FASN: variants seen among roughly 807,000 people sequenced by gnomAD.
FASN encodes 3-hydroxyacyl-[acyl-carrier-protein] dehydratase.
A neutral mutation model predicts 250.0 loss-of-function variants in FASN; 50 were observed. The observed-to-expected ratio is 0.20, with a 90% CI of 0.16 to 0.25. The LOEUF (loss-of-function observed/expected upper bound fraction) is 0.25. Among genes scored for constraint, FASN ranks in the 10% least tolerant of loss-of-function variants. The pLI is 1.00. For synonymous variants in FASN, 1,909 were observed against 1,584.0 expected (o/e 1.21, Z -4.87); for missense variants, 3,031 against 3,498.5 (o/e 0.87, Z 3.37).
At position 82,096,567 on chromosome 17, in the gene FASN, C is replaced by G; in HGVS notation, c.-7-115G>C. The G allele has an allele frequency of 1.3e-5, 20 of 1,500,686 alleles. 1 individual carries two copies. The South Asian group carries it at 2.3e-4, about 17-fold the overall frequency. 93.0% of individuals were successfully genotyped at this position (1,500,686 alleles called of 1,614,324 possible). On this transcript the variant is annotated intron_variant, in intron 1 of 42. Transcript: ENST00000306749. Reference sequence around the variant, plus strand: ...GGGGCCAAGCACCACCCTGAGGGTCCGTGCGGGCCCTGGCTCCTGCGGCTC... The same window carrying G: ...GGGGCCAAGCACCACCCTGAGGGTCGGTGCGGGCCCTGGCTCCTGCGGCTC...
rs868672061 is a variant in FASN at position 82,082,962 on chromosome 17, G to A, written c.5719C>T (p.Arg1907Cys). 6.2e-6 allele frequency: 10 copies of A among 1,612,674 alleles called. No homozygotes were observed. Among genetic ancestry groups the A allele is most frequent in the African/African-American group, 5.3e-5 (4 of 74,902 alleles). The part of the protein sequence containing the change: ...GLELAQWLIQ[R>C]GVQKLVLTSR... The stretch of plus-strand genomic sequence containing the variant: ...GTCAACACGAGCTTCTGCACCCCAC[G>A]CTGTATCAGCCACTGCGCCAACTCC... The change falls in exon 33 of 43, where the codon CGT (arginine) becomes TGT (cysteine). Residue 1907 changes from arginine to cysteine, a missense_variant. By Grantham distance (180) the Arg-to-Cys change is radical (BLOSUM62 -3). Transcript: ENST00000306749.
rs771260934 is a variant in FASN, at chr17:82,078,522, C to T, written c.*621G>A. 1.5e-4 allele frequency: 23 copies of T among 154,326 alleles called. No homozygotes were observed. The highest frequency in any genetic ancestry group is 3.4e-4 in the African/African-American group (14 of 41,442). 9.6% of individuals were successfully genotyped at this position (154,326 alleles called of 1,614,324 possible). On this transcript the variant is annotated 3_prime_UTR_variant, in exon 43 of 43. Coordinates refer to ENST00000306749, the MANE Select transcript of FASN (RefSeq NM_004104.5). This position sits in a 1 kb window ranked among gnomAD's most constrained non-coding sequence, Gnocchi z 5.4. ...AAACACCAAACATGGAGTTGGTGCC[C>T]GGCGCCGGGCATAAGGGCAGCACCC...
At chr17:82,092,170 G>A (rs777594603) in intron 8 of FASN, among the ~76,000 whole-genome samples, 5 of 152,256 alleles carry the variant, frequency 3.3e-5, no homozygotes, top group South Asian at 2.1e-4. Flanking sequence ...CTCCTGCCTC[G>A]CTCTTCCCAC....
Position 82,091,595 on chromosome 17 carries a change from C to A in FASN, c.1119G>T (p.Arg373=). ...GCAGGGGCTGGTCCACCACCTGCAGCCGCCCATCCAACAGCGCTGGGATCT... is the reference window on the plus strand; with the variant it reads ...GCAGGGGCTGGTCCACCACCTGCAGACGCCCATCCAACAGCGCTGGGATCT... ...NPEIPALLDG[R]LQVVDQPLPV... is the part of the protein sequence containing the mutation. The change falls in exon 9 of 43, where the codon CGG becomes CGT. Residue 373 remains arginine, a synonymous_variant. Transcript: ENST00000306749. 1 of 1,589,942 alleles carries A rather than the reference C, an allele frequency of 6.3e-7. No homozygotes were observed. The highest frequency in any genetic ancestry group is 8.5e-7 in the Non-Finnish European group (1 of 1,169,984).
chr17:82,088,598 A>C (rs567729389), intron 15 of FASN, 36 bp from the exon 16 acceptor site: 158 of 1,593,888 alleles, frequency 9.9e-5, no homozygotes, highest in African/African-American at 1.3e-5. Flanking sequence ...CACACCCGTC[A>C]CCGGGGTCCA....
Position 82,090,870 on chromosome 17 carries a change from G to T in FASN, c.1680+12C>A, listed in dbSNP as rs1292300487. 6.4e-7 allele frequency: 1 copy of T among 1,571,446 alleles called. No homozygotes were observed. Among genetic ancestry groups the T allele is most frequent in the African/African-American group, 1.4e-5 (1 of 73,772 alleles). ...GCTGGCGTTGCTCACACGCTGGCAG[G>T]CTGGGCCCTACCTGGATGGCAGTCA... On this transcript the variant is annotated intron_variant, in intron 10 of 42. Coordinates refer to ENST00000306749, the MANE Select transcript of FASN (RefSeq NM_004104.5).
intron 1 of FASN, chr17:82,096,680 C>T (rs977619938): frequency 1.1e-5 from 7 of 611,802 alleles, no homozygotes; most frequent in Non-Finnish European, 2.0e-5. Context: ...CCTCTGGGCC[C>T]TGACCCATTC....
Position 82,087,065 on chromosome 17 carries a change from G to A in FASN, c.3412C>T (p.Leu1138=). The A allele has an allele frequency of 1.2e-6, 2 of 1,611,308 alleles. No individual in the cohort carries two copies. Among genetic ancestry groups the A allele is most frequent in the Non-Finnish European group, 8.5e-7 (1 of 1,179,936 alleles). The part of the protein sequence containing the change: ...LSERAALQEE[L]QLCKGLVQAL... Reference sequence around the variant, plus strand: ...GGGACCTCACCCTTGCACAGTTGCAGCTCCTCCTGCAGGGCAGCGCGCTCA... The same window carrying A: ...GGGACCTCACCCTTGCACAGTTGCAACTCCTCCTGCAGGGCAGCGCGCTCA... The change falls in exon 21 of 43, where the codon CTG becomes TTG. Residue 1138 remains leucine (L), a synonymous_variant. Transcript: ENST00000306749.
rs771224276 is a variant in FASN at position 82,091,348 on chromosome 17, C to T, written c.1366G>A (p.Asp456Asn). Reference protein sequence around the residue: ...QDLAFLSMLNDIAAVPATAMP... With the variant: ...QDLAFLSMLNNIAAVPATAMP... ...GCGGTGGCGGGGACAGCCGCGATGT[C>T]GTTCAGCATGCTCAGGAAAGCCAGG... The change falls in exon 9 of 43, where the codon GAC becomes AAC. Residue 456 changes from aspartate to asparagine, a missense_variant. Asp to Asn is a conservative substitution (Grantham distance 23, BLOSUM62 1). Coordinates refer to ENST00000306749, the MANE Select transcript of FASN (RefSeq NM_004104.5). 23 of 1,610,692 alleles carry T rather than the reference C, an allele frequency of 1.4e-5. No individual in the cohort carries two copies. The highest frequency in any genetic ancestry group is 1.6e-4 in the Middle Eastern group (1 of 6,078).
chr17:82,088,335 G>C (rs766347423), intron 16 of FASN, 28 bp from the exon 17 acceptor site: 2 of 1,609,890 alleles, frequency 1.2e-6, no homozygotes, highest in Admixed American at 1.7e-5. Flanking sequence ...CCTCAGCACA[G>C]AGCGGGCGTC....
chr17:82,081,265 G>T lies in FASN; in HGVS notation c.6494C>A (p.Thr2165Lys). 6.4e-7 allele frequency: 1 copy of T among 1,570,822 alleles called. No individual in the cohort carries two copies. ...CACCAGGTTGAGCTCACGCTCCAGCGTCTGGCGCACCTCCACGCTCATGAG... is the reference window on the plus strand; with the variant it reads ...CACCAGGTTGAGCTCACGCTCCAGCTTCTGGCGCACCTCCACGCTCATGAG... Reference protein sequence around the residue: ...DSLMSVEVRQTLERELNLVLS... With the variant: ...DSLMSVEVRQKLERELNLVLS... Residue 2165 changes from threonine (T) to lysine (K), a missense_variant, in exon 38 of 43, where the codon ACG (threonine) becomes AAG (lysine). By Grantham distance (78) the Thr-to-Lys change is moderately conservative. Transcript: ENST00000306749.
chr17:82,079,813 G>A (rs1027818724), intron 41 of FASN: 1 of 714,394 alleles, frequency 1.4e-6, no homozygotes. Context: ...CACCTACCCG[G>A]TTCAAGCGAT....
chr17:82,089,488 G>A (rs1424096858), intron 12 of FASN, 104 bp from the exon 13 acceptor site: 10 of 1,595,702 alleles, frequency 6.3e-6, no homozygotes, highest in Non-Finnish European at 8.6e-6. Context: ...GAGAGGGAAT[G>A]GGCAAGGGAC....
Position 82,078,386 on chromosome 17 carries a change from A to G in FASN, c.*757T>C, listed in dbSNP as rs1345658900. 6.6e-6 allele frequency: 1 copy of G among 152,314 alleles called. No individual in the cohort carries two copies. The highest frequency in any genetic ancestry group is 1.5e-5 in the Non-Finnish European group (1 of 68,102). 9.4% of individuals were successfully genotyped at this position (152,314 alleles called of 1,614,324 possible). A position where few individuals can be genotyped will look rare whatever the true frequency, so the allele number is the denominator to read the frequency against. On this transcript the variant is annotated 3_prime_UTR_variant, in exon 43 of 43. Transcript: ENST00000306749. This position sits in a 1 kb window ranked among gnomAD's most constrained non-coding sequence, Gnocchi z 5.4. Reference sequence around the variant, plus strand: ...GTGGGAGGCTGAGAGCAGCATTTTTACCAAATTGGTGTAAAAATGAAACGG... The same window carrying G: ...GTGGGAGGCTGAGAGCAGCATTTTTGCCAAATTGGTGTAAAAATGAAACGG...
Position 82,090,579 on chromosome 17 carries a change from G to A in FASN, c.1681-15C>T. On this transcript the variant is annotated splice_polypyrimidine_tract_variant and intron_variant, in intron 10 of 42. Coordinates refer to ENST00000306749, the MANE Select transcript of FASN (RefSeq NM_004104.5). ...ATGAGGCCTATCTGGGGTGGGAACA[G>A]GACACTCAGGTTGCAACCTCCAGCA... The A allele has an allele frequency of 6.2e-7, 1 of 1,607,496 alleles. No homozygotes were observed.
At chr17:82,092,194 C>A (rs2034223044) in intron 8 of FASN, among the ~76,000 whole-genome samples, 1 of 152,204 alleles carries the variant, frequency 6.6e-6, no homozygotes, top group East Asian at 1.9e-4. Flanking sequence ...AGCGGCTCCT[C>A]CAGCTCGGCT....
Position 82,080,720 on chromosome 17 carries a change from G to T in FASN, c.6798C>A (p.Ile2266=). ...VFHSLASRLS[I]PTYGLQCTRA... is the part of the protein sequence containing the mutation. ...GGGTGCACTGCAGGCCATAGGTGGG[G>T]ATGCTGAGCCGGGAGGCCAGGCTGT... The change falls in exon 39 of 43, where the codon ATC becomes ATA. Residue 2266 remains isoleucine, a synonymous_variant. Transcript: ENST00000306749. 6.3e-7 allele frequency: 1 copy of T among 1,599,542 alleles called. No individual in the cohort carries two copies.
chr17:82,090,904 A>G lies in FASN; in HGVS notation c.1658T>C (p.Phe553Ser). Reference protein sequence around the residue: ...ESTFDDIVHSFVSLTAIQIGL... With the variant: ...ESTFDDIVHSSVSLTAIQIGL... Reference sequence around the variant, plus strand: ...TACCTGGATGGCAGTCAGGCTCACAAACGAATGGACGATGTCATCAAAGGT... The same window carrying G: ...TACCTGGATGGCAGTCAGGCTCACAGACGAATGGACGATGTCATCAAAGGT... Residue 553 changes from phenylalanine (F) to serine (S), a missense_variant, in exon 10 of 43, where the codon TTT becomes TCT. Phe to Ser is a radical substitution (Grantham distance 155, BLOSUM62 -2). Transcript: ENST00000306749. 1 of 1,601,256 alleles carries G rather than the reference A, an allele frequency of 6.2e-7. No individual in the cohort carries two copies. Among genetic ancestry groups the G allele is most frequent in the South Asian group, 1.1e-5 (1 of 89,278 alleles).
Position 82,092,868 on chromosome 17 carries a change from C to T in FASN, c.778+29G>A, listed in dbSNP as rs76627909. 2.5e-4 allele frequency: 391 copies of T among 1,591,112 alleles called. 3 individuals are homozygous for T. The East Asian group carries it at 8.2e-3, about 33-fold the overall frequency. The stretch of plus-strand genomic sequence containing the variant: ...CCAGCCCCGGCTCCCACCTGCCCCC[C>T]AGCACCCCGGAACCCCGGCAGAGCC... On this transcript the variant is annotated intron_variant, in intron 6 of 42. Coordinates refer to ENST00000306749, the MANE Select transcript of FASN (RefSeq NM_004104.5).
Sources: allele counts gnomAD v4.1 joint callset (sites outside exome capture counted in the v4.1 genomes callset), GRCh38; gene constraint gnomAD v4.1.1; non-coding constraint Gnocchi (gnomAD v3.1); transcripts MANE v1.5; gene names NCBI Gene and HGNC (gene_info 2026-07-23, HGNC 2026-07-21).